TEX13C: variants seen among roughly 807,000 people sequenced by gnomAD.
TEX13C encodes testis-expressed protein 13C.
For synonymous variants in TEX13C, 219 were observed against 116.6 expected (o/e 1.88, Z -5.65); for missense variants, 480 against 298.7 (o/e 1.61, Z -4.47).
chrX:125,320,361 G>A (rs1176895942), exon 1 of TEX13C: 2 of 516,022 alleles, frequency 3.9e-6, no homozygotes, highest in Admixed American at 5.3e-5. Flanking sequence ...GTGGCTGCGA[G>A]GCAGCAGGAG....
exon 1 of TEX13C, chrX:125,323,252 A>G: frequency 2.4e-6 from 1 of 415,800 alleles, no homozygotes. Flanking sequence ...ATAATCCATT[A>G]TCCTATTACC....
chrX:125,320,338 G>A (rs149706721), exon 1 of TEX13C: 254 of 515,239 alleles, frequency 4.9e-4, no homozygotes, highest in African/African-American at 3.7e-3. Context: ...GCGCTTTGGC[G>A]CTGAGTGTGC....
chrX:125,321,090 A>G, exon 1 of TEX13C: 1 of 515,746 alleles, frequency 1.9e-6, no homozygotes, highest in Non-Finnish European at 3.5e-6. Flanking sequence ...GAGTGTCCCC[A>G]AGGAATGACT....
At chrX:125,320,067 G>A (rs1464534737), upstream of TEX13C, 2 of 452,548 alleles carry the variant, frequency 4.4e-6, no homozygotes, top group East Asian at 7.4e-5. Context: ...AAGCGGCGGC[G>A]GCAGCCGAGG....
At chrX:125,320,852 T>G in exon 1 of TEX13C, 1 of 514,707 alleles carries the variant, frequency 1.9e-6, no homozygotes, top group South Asian at 2.5e-5. Context: ...ACTGCCATAC[T>G]CAACACCTCT....
At position 125,322,332 on chromosome X, in the gene TEX13C, C is replaced by A. The variant is rs1355364582; in HGVS notation, c.2213C>A (p.Pro738Gln). ...AGGAGACACAGCCTGAAGAAAGTGC[C>A]AGTGATGCCCAAGGAGATGGTCCCC... Residue 738 changes from proline (P) to glutamine (Q), a missense_variant, in exon 1 of 1, where the codon CCA (proline) becomes CAA (glutamine). Transcript: ENST00000632600. The A allele has an allele frequency of 2.6e-5, 12 of 458,752 alleles. No homozygotes were observed. The Admixed American group carries it at 3.4e-4, about 13-fold the overall frequency. The allele number at this position is 458,752 out of a possible 1,213,427, so 37.8% of individuals were successfully genotyped here.
chrX:125,320,637 C>T, exon 1 of TEX13C: 1 of 515,759 alleles, frequency 1.9e-6, no homozygotes, highest in Non-Finnish European at 3.5e-6. Context: ...CAGTATGGGC[C>T]TGTGGCCGGG....
exon 1 of TEX13C, chrX:125,323,029 A>C: frequency 3.9e-6 from 2 of 515,477 alleles, no homozygotes. Flanking sequence ...TGAATTTTCC[A>C]CGGAACAAGG....
chrX:125,323,890 G>A (rs968367573), exon 1 of TEX13C: 2 of 111,825 alleles, frequency 1.8e-5, no homozygotes, highest in African/African-American at 6.5e-5. Flanking sequence ...CAGGGAAGAA[G>A]AGATCATTTG....
In TEX13C at chrX:125,321,226, C is replaced by G. The variant is rs1333157948; in HGVS notation, c.1107C>G (p.Val369=). ...AACCAGTGATGCCCAAGGAGATGGT[C>G]CCCCTAGGGGACAGCAACAGCCACA... The change falls in exon 1 of 1, where the codon GTC becomes GTG. Residue 369 remains valine (V), a synonymous_variant. Coordinates refer to ENST00000632600, the Ensembl canonical transcript of TEX13C. The G allele has an allele frequency of 5.8e-6, 3 of 513,237 alleles. No individual in the cohort carries two copies. In the African/African-American group the frequency reaches 6.9e-5, roughly 12 times the overall value. The allele number at this position is 513,237 out of a possible 1,213,427, so 42.3% of individuals were successfully genotyped here.
At chrX:125,319,884 G>C (rs139976641), upstream of TEX13C, among the ~76,000 whole-genome samples, 1 of 112,257 alleles carries the variant, frequency 8.9e-6, no homozygotes, top group Non-Finnish European at 1.9e-5. Flanking sequence ...GTGATGTGTC[G>C]CGGAGTTGCC....
chrX:125,324,412 T>C (rs1371374281), exon 1 of TEX13C: 2 of 111,043 alleles, frequency 1.8e-5, no homozygotes, highest in East Asian at 5.7e-4. Context: ...TTTTGTTTTT[T>C]TTAATTTTTT....
At chrX:125,321,934 C>A in exon 1 of TEX13C, 1 of 509,814 alleles carries the variant, frequency 2.0e-6, no homozygotes, top group East Asian at 3.6e-5. Flanking sequence ...TGGGGGACAG[C>A]AACAGCCATA....
chrX:125,323,364 CTGAGTA>C (rs2018866748), exon 1 of TEX13C: 1 of 229,430 alleles, frequency 4.4e-6, no homozygotes, highest in Non-Finnish European at 7.7e-6. Flanking sequence ...GAGACTACTT[CTGAGTA>C]TAACACTCAG....
At chrX:125,322,366 C>T (rs1262493423) in exon 1 of TEX13C, 3 of 475,280 alleles carry the variant, frequency 6.3e-6, no homozygotes, top group Admixed American at 5.8e-5. Context: ...CCCTGGGGGA[C>T]AGCCACAGCC....
At chrX:125,325,119 C>T (rs973375189) in exon 1 of TEX13C, 1 of 111,350 alleles carries the variant, frequency 9.0e-6, no homozygotes, top group African/African-American at 3.3e-5. Flanking sequence ...CTAAAGATGT[C>T]CTTGAGTTTC....
chrX:125,322,167 C>A, exon 1 of TEX13C: 1 of 492,364 alleles, frequency 2.0e-6, no homozygotes. Flanking sequence ...GGCACAGCTC[C>A]CCTGATGTTT....
At chrX:125,320,150 G>A (rs778951374) in exon 1 of TEX13C, 30 of 492,908 alleles carry the variant, frequency 6.1e-5, no homozygotes, top group Non-Finnish European at 4.0e-5. Context: ...CCATGCCAGC[G>A]GGTTCCGCCA....
chrX:125,323,916 A>C, exon 1 of TEX13C: 1 of 111,808 alleles, frequency 8.9e-6, no homozygotes, highest in East Asian at 2.8e-4. Context: ...CATTAGGGGG[A>C]AAAGGGAGAA....
Sources: allele counts gnomAD v4.1 joint callset (sites outside exome capture counted in the v4.1 genomes callset), GRCh38; gene constraint gnomAD v4.1.1; transcripts MANE v1.5; gene names NCBI Gene and HGNC (gene_info 2026-07-23, HGNC 2026-07-21).